CTNNA2: variants seen among roughly 807,000 people sequenced by gnomAD.
The protein encoded by CTNNA2 is catenin alpha 2, also known as catenin alpha-2.
CTNNA2 carries 42 observed loss-of-function variants against 101.0 expected under a neutral mutation model. The ratio of observed to expected loss-of-function variants is 0.42; its 90% CI spans 0.32 to 0.54. The LOEUF is 0.54. CTNNA2 is among the 20% of genes least tolerant of loss of function. CTNNA2 has a pLI of 0.14. For missense variants in CTNNA2, 871 were observed against 1,223.1 expected, an observed-to-expected ratio of 0.71 and a Z score of 4.29; for synonymous variants, 450 against 456.4, an observed-to-expected ratio of 0.99 and a Z score of 0.18.
At chr2:80,135,157 G>A (rs1394603910) in intron 7 of CTNNA2, among the ~76,000 whole-genome samples, 4 of 152,186 alleles carry the variant, frequency 2.6e-5, no homozygotes, top group African/African-American at 9.6e-5. Flanking sequence ...CTGGTGTGGG[G>A]ATTAGGCTTG....
chr2:79,789,805 C>T (rs1675133323), intron 3 of CTNNA2, among the ~76,000 whole-genome samples: 1 of 152,026 alleles, frequency 6.6e-6, no homozygotes, highest in Non-Finnish European at 1.5e-5. Context: ...AGAGTCAAGA[C>T]TTCTGGGAAG....
intron 1 of CTNNA2, among the ~76,000 whole-genome samples, chr2:79,613,321 C>T (rs971708456): frequency 6.6e-6 from 1 of 151,142 alleles, no homozygotes; most frequent in Non-Finnish European, 1.5e-5. Context: ...AGATAATTTC[C>T]GAGTTTTCTT....
At chr2:79,564,533 A>C (rs527254665) in intron 1 of CTNNA2, among the ~76,000 whole-genome samples, 1 of 152,230 alleles carries the variant, frequency 6.6e-6, no homozygotes, top group East Asian at 1.9e-4. Context: ...GGGCTTACGC[A>C]TTCTTAGCTT....
intron 7 of CTNNA2, among the ~76,000 whole-genome samples, chr2:80,069,169 CA>C (rs1698170350): frequency 6.6e-6 from 1 of 152,168 alleles, no homozygotes; most frequent in Admixed American, 6.5e-5. Context: ...AGAGAGAATT[CA>C]CCCTTTTTCC....
intron 9 of CTNNA2, among the ~76,000 whole-genome samples, chr2:80,487,105 AC>A (rs1016552827): frequency 5.3e-5 from 8 of 151,292 alleles, no homozygotes; most frequent in African/African-American, 1.9e-4. Flanking sequence ...CCTTTACCAA[AC>A]CCCGTCTCTA....
intron 3 of CTNNA2, among the ~76,000 whole-genome samples, chr2:79,752,090 A>G (rs1425976958): frequency 6.6e-6 from 1 of 152,168 alleles, no homozygotes; most frequent in East Asian, 1.9e-4. Context: ...TTTTAAACAT[A>G]GATGAATGGG....
chr2:80,219,820 C>A (rs538491209), intron 7 of CTNNA2, among the ~76,000 whole-genome samples: 1 of 152,112 alleles, frequency 6.6e-6, no homozygotes, highest in Non-Finnish European at 1.5e-5. Flanking sequence ...TTTGTTAAGT[C>A]CCTTTATTTT....
At chr2:79,951,201 G>T (rs1399173329) in intron 7 of CTNNA2, among the ~76,000 whole-genome samples, 1 of 152,106 alleles carries the variant, frequency 6.6e-6, no homozygotes, top group Non-Finnish European at 1.5e-5. Context: ...TGCAATAATA[G>T]TTCTTAATTT....
At chr2:80,123,720 A>G (rs973424531) in intron 7 of CTNNA2, among the ~76,000 whole-genome samples, 8 of 152,214 alleles carry the variant, frequency 5.3e-5, no homozygotes, top group Non-Finnish European at 1.0e-4. Flanking sequence ...TTGAAGACTG[A>G]CAGTGAAACA....
chr2:79,355,048 A>T (rs150159855), intron 3 of CTNNA2, among the ~76,000 whole-genome samples: 1 of 152,094 alleles, frequency 6.6e-6, no homozygotes, highest in Non-Finnish European at 1.5e-5. Flanking sequence ...TAGGTATGTG[A>T]TTCTATTTTA....
chr2:80,084,600 G>A (rs1699333103), intron 7 of CTNNA2, among the ~76,000 whole-genome samples: 1 of 152,016 alleles, frequency 6.6e-6, no homozygotes, highest in African/African-American at 2.4e-5. Context: ...TTACTGACTT[G>A]ATTAATGAAA....
At chr2:80,456,096 G>A (rs1683953062) in intron 9 of CTNNA2, among the ~76,000 whole-genome samples, 1 of 152,138 alleles carries the variant, frequency 6.6e-6, no homozygotes, top group Non-Finnish European at 1.5e-5. Context: ...TGAAGATATG[G>A]CTCCTAATGC....
At chr2:80,536,720 A>C (rs543545561) in intron 9 of CTNNA2, among the ~76,000 whole-genome samples, 1 of 152,368 alleles carries the variant, frequency 6.6e-6, no homozygotes, top group Non-Finnish European at 1.5e-5. Context: ...ATTGAAGCTC[A>C]GCCTTCCAGG....
In CTNNA2 at chr2:80,641,070, T is replaced by TATC. The variant is rs1673421274; in HGVS notation, c.2575-6513_2575-6511dup. 2.6e-5 allele frequency among the ~76,000 whole-genome samples: 4 copies of TATC among 152,316 alleles called. No homozygotes were observed. The South Asian group carries it at 8.3e-4, about 32-fold the overall frequency. Reference sequence around the variant, plus strand: ...CATATTTAGGGAAATATTTTAGCATTATCAAACTCATTAGTGTTATTGGCT... The same window carrying TATC: ...CATATTTAGGGAAATATTTTAGCATTATCATCAAACTCATTAGTGTTATTGGCT... On this transcript the variant is annotated intron_variant, in intron 18 of 18. Coordinates refer to ENST00000402739, the MANE Select transcript of CTNNA2 (RefSeq NM_001282597.3).
chr2:79,559,026 G>A (rs966586489), intron 1 of CTNNA2, among the ~76,000 whole-genome samples: 4 of 151,288 alleles, frequency 2.6e-5, no homozygotes, highest in South Asian at 2.1e-4. Context: ...TTTTATCCTC[G>A]GTTTTCATAC....
intron 7 of CTNNA2, among the ~76,000 whole-genome samples, chr2:80,004,672 C>CATTTATT (rs1553427249): frequency 4.8e-5 from 7 of 145,662 alleles, no homozygotes; most frequent in Non-Finnish European, 1.0e-4. Context: ...TTTTATTTTA[C>CATTTATT]ATTTATTTAT....
chr2:79,892,154 C>CAT (rs1296519665), intron 6 of CTNNA2, among the ~76,000 whole-genome samples: 2 of 151,922 alleles, frequency 1.3e-5, no homozygotes, highest in Admixed American at 6.6e-5. Context: ...TTTTTACATC[C>CAT]ATATATATAC....
chr2:79,439,440 G>A (rs1678754287), intron 4 of CTNNA2, among the ~76,000 whole-genome samples: 3 of 152,174 alleles, frequency 2.0e-5, no homozygotes. Flanking sequence ...TCTGACTGCT[G>A]ATGGGTACAG....
chr2:79,696,489 C>A (rs1269800264), intron 2 of CTNNA2, among the ~76,000 whole-genome samples: 1 of 151,974 alleles, frequency 6.6e-6, no homozygotes, highest in Non-Finnish European at 1.5e-5. Flanking sequence ...TTACGGTTGG[C>A]ATGGATGAAA....
Sources: allele counts gnomAD v4.1 joint callset (sites outside exome capture counted in the v4.1 genomes callset), GRCh38; gene constraint gnomAD v4.1.1; transcripts MANE v1.5; gene names NCBI Gene and HGNC (gene_info 2026-07-23, HGNC 2026-07-21).